Variants in LOXHD1 observed in about 807,000 individuals in gnomAD.
LOXHD1 encodes the protein lipoxygenase homology PLAT domains 1.
Under a neutral mutation model 248.2 loss-of-function variants are expected in LOXHD1, and 205 were observed. The ratio of observed to expected loss-of-function variants is 0.83; its 90% CI spans 0.74 to 0.93. The LOEUF is 0.93. Among genes scored for constraint, LOXHD1 ranks in the 40% least tolerant of loss-of-function variants. The pLI is 0.00. For synonymous variants in LOXHD1, 1,113 were observed against 1,162.8 expected, an observed-to-expected ratio of 0.96 and a Z score of 0.87; for missense variants, 2,930 against 2,971.6, an observed-to-expected ratio of 0.99 and a Z score of 0.33.
intron 13 of LOXHD1, among the ~76,000 whole-genome samples, chr18:46,578,668 C>T (rs328165): frequency 6.6e-6 from 1 of 152,066 alleles, no homozygotes; most frequent in Non-Finnish European, 1.5e-5. Context: ...CCAAGGAAGT[C>T]GTGGCAGAGG....
chr18:46,623,074 T>C (rs1373507088), intron 4 of LOXHD1, among the ~76,000 whole-genome samples: 1 of 152,188 alleles, frequency 6.6e-6, no homozygotes, highest in Non-Finnish European at 1.5e-5. Context: ...GTATTATCTG[T>C]TGTTCAGTTG....
intron 3 of LOXHD1, among the ~76,000 whole-genome samples, chr18:46,640,874 C>T (rs1149443): frequency 6.6e-6 from 1 of 152,196 alleles, no homozygotes; most frequent in Non-Finnish European, 1.5e-5. Context: ...CACTTTGCAT[C>T]AAACATCTTA....
intron 21 of LOXHD1, among the ~76,000 whole-genome samples, chr18:46,554,717 A>G (rs928857155): frequency 2.0e-5 from 3 of 152,122 alleles, no homozygotes; most frequent in African/African-American, 7.2e-5. Flanking sequence ...GGAGGGGGGA[A>G]AAGAAGAGTA....
At chr18:46,542,916 AC>A (rs2036625914) in intron 23 of LOXHD1, 61 bp from the exon 24 acceptor site, 3 of 1,547,998 alleles carry the variant, frequency 1.9e-6, no homozygotes, top group African/African-American at 2.7e-5. Context: ...GCCTAGTCAG[AC>A]CCAAACCTTT....
At chr18:46,588,739 CCT>C (rs1158454122) in intron 12 of LOXHD1, among the ~76,000 whole-genome samples, 1 of 152,224 alleles carries the variant, frequency 6.6e-6, no homozygotes, top group Non-Finnish European at 1.5e-5. Context: ...TCTCTGGTGT[CCT>C]CTCTCTGTCC....
In LOXHD1 at chr18:46,526,189, A is replaced by C. The variant is rs866479914; in HGVS notation, c.4531-1272T>G. Among the ~76,000 whole-genome samples, 12 of 152,372 alleles carry C rather than the reference A, an allele frequency of 7.9e-5. No individual in the cohort carries two copies. The Middle Eastern group carries it at 0.01, about 130-fold the overall frequency. ...ACTTGTTTGCATCTGTCCTGGGGGA[A>C]GACCTTCACATTGCACAAGGATGTT... On this transcript the variant is annotated intron_variant, in intron 29 of 40. Coordinates refer to ENST00000642948, the MANE Select transcript of LOXHD1 (RefSeq NM_001384474.1).
chr18:46,558,589 C>A (rs2037432347), intron 20 of LOXHD1, among the ~76,000 whole-genome samples: 1 of 152,082 alleles, frequency 6.6e-6, no homozygotes, highest in Admixed American at 6.5e-5. Context: ...TGAAATAAAT[C>A]AAGAAATGAG....
At chr18:46,573,022 C>CAA (rs71162809) in intron 14 of LOXHD1, among the ~76,000 whole-genome samples, 1,302 of 56,952 alleles carry the variant, frequency 0.023, 129 homozygotes, top group African/African-American at 0.075. Flanking sequence ...GACTCCGTCT[C>CAA]AAAAAAAAAA....
At chr18:46,628,468 G>C (rs1482599732) in intron 4 of LOXHD1, among the ~76,000 whole-genome samples, 1 of 152,194 alleles carries the variant, frequency 6.6e-6, no homozygotes. Context: ...AATAGGCTCA[G>C]AGAGCCCTGG....
chr18:46,610,852 G>A lies in LOXHD1; in HGVS notation c.683C>T (p.Pro228Leu), dbSNP rs372408513. The A allele has an allele frequency of 8.6e-5, 134 of 1,551,706 alleles. 1 individual carries two copies. In the Middle Eastern group the frequency reaches 1.0e-3, roughly 12 times the overall value. Residue 228 changes from proline (P) to leucine (L), a missense_variant, in exon 6 of 41, where the codon CCG becomes CTG. Coordinates refer to ENST00000642948, the MANE Select transcript of LOXHD1 (RefSeq NM_001384474.1). ...GATCTTCATCAGCTGCCCCAAATCC[G>A]GGGCATCCAGGATGAACCTGTCTTC... ...GAEDRFILDA[P>L]DLGQLMKINV... is the part of the protein sequence containing the mutation.
intron 21 of LOXHD1, among the ~76,000 whole-genome samples, chr18:46,549,583 TGAGATGACCTG>T: frequency 6.6e-6 from 1 of 152,214 alleles, no homozygotes; most frequent in South Asian, 2.1e-4. Flanking sequence ...GAAGGCTGGG[TGAGATGACCTG>T]GAAGGTCTTT....
At chr18:46,494,433 T>C (rs1260939424) in intron 37 of LOXHD1, among the ~76,000 whole-genome samples, 1 of 152,216 alleles carries the variant, frequency 6.6e-6, no homozygotes, top group Non-Finnish European at 1.5e-5. Flanking sequence ...ACAATAATCT[T>C]TGGCAAGCTA....
At chr18:46,644,854 G>GA (rs1384408205) in intron 2 of LOXHD1, among the ~76,000 whole-genome samples, 9 of 152,222 alleles carry the variant, frequency 5.9e-5, no homozygotes, top group African/African-American at 2.2e-4. Context: ...CTTGCTGGGG[G>GA]GTGGGGAGGA....
chr18:46,652,235 G>T (rs529884956), intron 1 of LOXHD1, among the ~76,000 whole-genome samples: 19 of 152,282 alleles, frequency 1.2e-4, no homozygotes, highest in Admixed American at 7.8e-4. Context: ...AAGTAGGGGG[G>T]ACTGACTGGG....
chr18:46,540,137 A>G (rs1376206875), intron 25 of LOXHD1, among the ~76,000 whole-genome samples: 2 of 152,216 alleles, frequency 1.3e-5, no homozygotes, highest in South Asian at 2.1e-4. Context: ...CATTTTACAA[A>G]TGAGAAAACC....
chr18:46,489,508 A>G (rs2033312485), intron 37 of LOXHD1, among the ~76,000 whole-genome samples: 1 of 152,230 alleles, frequency 6.6e-6, no homozygotes. Flanking sequence ...GACCCAAAAT[A>G]GAACTTTCTG....
At position 46,601,253 on chromosome 18, in the gene LOXHD1, G is replaced by T; in HGVS notation, c.1098C>A (p.Gly366=). 1 of 1,551,664 alleles carries T rather than the reference G, an allele frequency of 6.4e-7. No homozygotes were observed. Among genetic ancestry groups the T allele is most frequent in the African/African-American group, 1.4e-5 (1 of 73,142 alleles). Residue 366 remains glycine, a synonymous_variant, in exon 8 of 41, where the codon GGC becomes GGA. Transcript: ENST00000642948. ...SPLSRVSVGH[G]NVGVNRGWFC... is the part of the protein sequence containing the mutation. ...ACCAGCCTCTGTTGACACCCACATTGCCATGCCCGACGGAGACCCGACTCA... is the reference window on the plus strand; with the variant it reads ...ACCAGCCTCTGTTGACACCCACATTTCCATGCCCGACGGAGACCCGACTCA...
At chr18:46,635,123 G>A (rs2038876586) in intron 4 of LOXHD1, among the ~76,000 whole-genome samples, 1 of 152,202 alleles carries the variant, frequency 6.6e-6, no homozygotes, top group African/African-American at 2.4e-5. Flanking sequence ...TTGTGTTCCT[G>A]AGAGGACGGA....
chr18:46,570,756 T>C (rs1340260668), intron 15 of LOXHD1, among the ~76,000 whole-genome samples: 1 of 152,024 alleles, frequency 6.6e-6, no homozygotes, highest in Non-Finnish European at 1.5e-5. Flanking sequence ...GTTAAAAAAA[T>C]TGCAAAAAAG....
Sources: gnomAD v4.1 joint callset for allele counts (sites outside exome capture counted in the v4.1 genomes callset) on GRCh38, gnomAD v4.1.1 for gene constraint, MANE v1.5 for transcripts, NCBI Gene and HGNC (gene_info 2026-07-23, HGNC 2026-07-21) for gene names.